Variants in ARHGAP19 observed in about 807,000 individuals in gnomAD.
The protein encoded by ARHGAP19 is rho GTPase-activating protein 19.
In ARHGAP19, 48 loss-of-function variants were observed where a neutral mutation model predicts 60.9. The ratio of observed to expected loss-of-function variants is 0.79; its 90% CI spans 0.62 to 1.00. ARHGAP19 has a LOEUF of 1.00. Among genes scored for constraint, ARHGAP19 ranks in the 50% least tolerant of loss-of-function variants. The pLI, the probability that ARHGAP19 is intolerant of heterozygous loss-of-function variation, is 0.00. For missense variants in ARHGAP19, 562 were observed against 597.2 expected, an observed-to-expected ratio of 0.94 and a Z score of 0.61; for synonymous variants, 209 against 215.5, an observed-to-expected ratio of 0.97 and a Z score of 0.27.
intron 7 of ARHGAP19, 72 bp downstream of exon 7, chr10:97,246,200 A>G (rs1382343927): frequency 8.1e-7 from 1 of 1,240,542 alleles, no homozygotes; most frequent in African/African-American, 1.5e-5. Flanking sequence ...CTTTGACTTC[A>G]TACTTTGTTT....
rs1011605876 is a variant in ARHGAP19, at chr10:97,222,298, A to C, written c.*3824T>G. The C allele has an allele frequency of 5.3e-5, 8 of 152,258 alleles. No homozygotes were observed. The highest frequency in any genetic ancestry group is 1.9e-4 in the African/African-American group (8 of 41,468). The allele number at this position is 152,258 out of a possible 1,614,324, so 9.4% of individuals were successfully genotyped here. On this transcript the variant is annotated 3_prime_UTR_variant, in exon 12 of 12. Transcript: ENST00000358531. Reference sequence around the variant, plus strand: ...CAAATAAGAATGAAAACTTTAACCAAAACACTTAAGAAACCTTGTTTCTCT... The same window carrying C: ...CAAATAAGAATGAAAACTTTAACCACAACACTTAAGAAACCTTGTTTCTCT...
At chr10:97,251,178 A>AAGGGGAAGAGG (rs1842642633) in intron 6 of ARHGAP19, among the ~76,000 whole-genome samples, 1 of 77,400 alleles carries the variant, frequency 1.3e-5, no homozygotes, top group Non-Finnish European at 2.6e-5. Flanking sequence ...AGGGGAAGGG[A>AAGGGGAAGAGG]AAGGGAAAGG....
At chr10:97,247,813 G>C (rs192475304) in intron 6 of ARHGAP19, among the ~76,000 whole-genome samples, 33 of 152,170 alleles carry the variant, frequency 2.2e-4, no homozygotes, top group African/African-American at 6.7e-4. Context: ...ATGTATATTT[G>C]TGTAAGAAAA....
chr10:97,278,964 G>C (rs1843051404), intron 1 of ARHGAP19, among the ~76,000 whole-genome samples: 1 of 152,152 alleles, frequency 6.6e-6, no homozygotes, highest in African/African-American at 2.4e-5. Context: ...ATCAAAATAT[G>C]AGCTATATTT....
intron 8 of ARHGAP19, among the ~76,000 whole-genome samples, chr10:97,241,255 G>A (rs918136043): frequency 3.9e-5 from 6 of 152,068 alleles, no homozygotes; most frequent in Non-Finnish European, 5.9e-5. Flanking sequence ...AACCCAGGAG[G>A]CGGAGGTTGC....
chr10:97,244,215 G>A, intron 7 of ARHGAP19, 56 bp from the exon 8 acceptor site: 1 of 1,454,390 alleles, frequency 6.9e-7, no homozygotes, highest in South Asian at 1.3e-5. Flanking sequence ...TTTGTTTTGG[G>A]GTTCTTACAA....
rs114848942 is a variant in ARHGAP19, at chr10:97,229,267, C to A, written c.1396-42G>T. On this transcript the variant is annotated intron_variant, in intron 10 of 11. Transcript: ENST00000358531. ...GTACAGTGGTTTCAATGTTCTAATG[C>A]CATTCCTATAGACAGACTTTACTAA... The A allele has an allele frequency of 4.1e-6, 6 of 1,464,504 alleles. No individual in the cohort carries two copies. In the African/African-American group the frequency reaches 7.0e-5, roughly 17 times the overall value. 90.7% of individuals were successfully genotyped at this position (1,464,504 alleles called of 1,614,324 possible).
chr10:97,286,854 T>G (rs1843162944), intron 1 of ARHGAP19, among the ~76,000 whole-genome samples: 1 of 152,236 alleles, frequency 6.6e-6, no homozygotes, highest in Admixed American at 6.5e-5. Context: ...GAAGTAGCTT[T>G]ATTTCATTTC....
intron 1 of ARHGAP19, among the ~76,000 whole-genome samples, chr10:97,273,656 T>C (rs1052538337): frequency 4.0e-5 from 6 of 151,790 alleles, no homozygotes; most frequent in Admixed American, 2.6e-4. Flanking sequence ...GCCCAGCTAA[T>C]TTTTGTATTT....
In ARHGAP19 at chr10:97,256,426, A is replaced by G. The variant is rs572785551; in HGVS notation, c.841-22T>C. The G allele has an allele frequency of 2.4e-4, 369 of 1,551,622 alleles. 1 individual carries two copies. The South Asian group carries it at 3.8e-3, about 16-fold the overall frequency. ...TGACCTATTCAGAGGAAAAGAAACC[A>G]AACAATGGACATTAAGAGCTAGAAA... On this transcript the variant is annotated intron_variant, in intron 5 of 11. Transcript: ENST00000358531.
At chr10:97,228,704 T>A (rs1850945656) in intron 11 of ARHGAP19, among the ~76,000 whole-genome samples, 1 of 152,180 alleles carries the variant, frequency 6.6e-6, no homozygotes, top group African/African-American at 2.4e-5. Flanking sequence ...CTGTATGATA[T>A]GACTTCCAGG....
intron 8 of ARHGAP19, among the ~76,000 whole-genome samples, chr10:97,235,982 G>C (rs1422216255): frequency 2.0e-5 from 3 of 151,920 alleles, no homozygotes; most frequent in Non-Finnish European, 4.4e-5. Context: ...TGATGATGTT[G>C]CTGTTGTTGC....
chr10:97,244,401 G>C (rs926361133), intron 7 of ARHGAP19, among the ~76,000 whole-genome samples: 5 of 152,044 alleles, frequency 3.3e-5, no homozygotes, highest in Admixed American at 6.6e-5. Context: ...CTGCCACCAA[G>C]AGTTATATTT....
At chr10:97,260,319 A>C (rs1200967563) in intron 4 of ARHGAP19, among the ~76,000 whole-genome samples, 4 of 150,776 alleles carry the variant, frequency 2.7e-5, no homozygotes, top group Admixed American at 2.0e-4. Context: ...TCACAAGGTC[A>C]GGAGATCGAG....
rs1487368484 is a variant in ARHGAP19 at position 97,239,561 on chromosome 10, T to G, written c.1186-4246A>C. 5.4e-4 allele frequency among the ~76,000 whole-genome samples: 13 copies of G among 24,148 alleles called. No homozygotes were observed. In the East Asian group the frequency reaches 0.011, roughly 21 times the overall value. The allele number at this position is 24,148 out of a possible 152,430, so 15.8% of individuals were successfully genotyped here. A position where few individuals can be genotyped will look rare whatever the true frequency, so the allele number is the denominator to read the frequency against. On this transcript the variant is annotated intron_variant, in intron 8 of 11. Coordinates refer to ENST00000358531, the MANE Select transcript of ARHGAP19 (RefSeq NM_032900.6). ...GAGAGAGAGAGAGAGGGTGTGTGTG[T>G]GTGTGTGTGTGTGTGTGTGTGTGTG...
chr10:97,223,123 T>A lies in ARHGAP19; in HGVS notation c.*2999A>T, dbSNP rs1850835856. 1.3e-5 allele frequency: 2 copies of A among 152,290 alleles called. No individual in the cohort carries two copies. The highest frequency in any genetic ancestry group is 4.1e-4 in the South Asian group (2 of 4,832). The allele number at this position is 152,290 out of a possible 1,614,324, so 9.4% of individuals were successfully genotyped here. ...TACCTCCGGAGCACCCAGGTGTCAC[T>A]GCAGTCAACAGCCCTCCACTAGCCC... On this transcript the variant is annotated 3_prime_UTR_variant, in exon 12 of 12. Transcript: ENST00000358531.
At chr10:97,251,940 A>C (rs1019504907) in intron 6 of ARHGAP19, among the ~76,000 whole-genome samples, 2 of 151,252 alleles carry the variant, frequency 1.3e-5, no homozygotes, top group Non-Finnish European at 2.9e-5. Flanking sequence ...ACAACAAGAA[A>C]TTTATAGAGA....
intron 1 of ARHGAP19, among the ~76,000 whole-genome samples, chr10:97,281,119 A>C (rs1843079540): frequency 6.6e-6 from 1 of 151,714 alleles, no homozygotes; most frequent in Admixed American, 6.6e-5. Context: ...ACAGCGGCTC[A>C]TGTCTATAAT....
intron 9 of ARHGAP19, 124 bp downstream of exon 9, chr10:97,235,093 C>A: frequency 1.2e-6 from 1 of 825,730 alleles, no homozygotes; most frequent in Admixed American, 2.4e-5. Flanking sequence ...TGTCTTTACC[C>A]CCTTATAAAC....
Sources: allele counts gnomAD v4.1 joint callset (sites outside exome capture counted in the v4.1 genomes callset), GRCh38; gene constraint gnomAD v4.1.1; transcripts MANE v1.5; gene names NCBI Gene and HGNC (gene_info 2026-07-23, HGNC 2026-07-21).